The following PPM1E variants were observed in gnomAD, a reference collection of about 807,000 sequenced individuals.
The protein encoded by PPM1E is protein phosphatase, Mg2+/Mn2+ dependent 1E.
A neutral mutation model predicts 65.9 loss-of-function variants in PPM1E; 20 were observed. The observed-to-expected ratio is 0.30, with a 90% CI of 0.21 to 0.44. PPM1E has a LOEUF of 0.44. Among genes scored for constraint, PPM1E ranks in the 20% least tolerant of loss-of-function variants. The pLI is 1.00. For missense variants in PPM1E, 713 were observed against 953.1 expected (o/e 0.75, Z 3.32); for synonymous variants, 352 against 374.9 (o/e 0.94, Z 0.70).
At chr17:58,840,275 A>T (rs1393271527) in intron 1 of PPM1E, among the ~76,000 whole-genome samples, 1 of 152,204 alleles carries the variant, frequency 6.6e-6, no homozygotes, top group Non-Finnish European at 1.5e-5. Context: ...TATAGACATG[A>T]TTGACTACTC....
intron 1 of PPM1E, among the ~76,000 whole-genome samples, chr17:58,919,960 AAGCAGGG>A (rs1158366391): frequency 6.6e-6 from 1 of 152,140 alleles, no homozygotes. Context: ...GGCAGGGTAG[AAGCAGGG>A]AGATCAGTTA....
intron 1 of PPM1E, among the ~76,000 whole-genome samples, chr17:58,778,351 T>G (rs149031313): frequency 0.012 from 1,746 of 150,916 alleles, 17 homozygotes; most frequent in Non-Finnish European, 0.019. Context: ...CCACCTGCCT[T>G]GGCCTCCCAA....
At chr17:58,817,730 G>T (rs779535939) in intron 1 of PPM1E, among the ~76,000 whole-genome samples, 9 of 151,542 alleles carry the variant, frequency 5.9e-5, no homozygotes, top group African/African-American at 1.5e-4. Flanking sequence ...GAAAATGCTT[G>T]CATTTCTCAA....
intron 6 of PPM1E, among the ~76,000 whole-genome samples, chr17:58,977,004 T>A (rs1275737010): frequency 6.6e-6 from 1 of 152,222 alleles, no homozygotes; most frequent in African/African-American, 2.4e-5. Context: ...TATTTATTTT[T>A]AAATATCTTT....
chr17:58,824,352 T>C (rs12602346), intron 1 of PPM1E, among the ~76,000 whole-genome samples: 96,713 of 151,968 alleles, frequency 0.64, 31,163 homozygotes, highest in African/African-American at 0.71. Flanking sequence ...AGATCCTATC[T>C]GAGAAGCTGC....
chr17:58,840,006 A>C (rs1457458855), intron 1 of PPM1E, among the ~76,000 whole-genome samples: 1 of 152,182 alleles, frequency 6.6e-6, no homozygotes, highest in Non-Finnish European at 1.5e-5. Flanking sequence ...TACTCACAGA[A>C]CTCACTGAAA....
intron 1 of PPM1E, among the ~76,000 whole-genome samples, chr17:58,816,103 G>T (rs2050412420): frequency 6.6e-6 from 1 of 151,998 alleles, no homozygotes; most frequent in Admixed American, 6.6e-5. Context: ...TCAGTTCACT[G>T]CAACCTCCGC....
At chr17:58,908,345 C>T (rs1018552868) in intron 1 of PPM1E, among the ~76,000 whole-genome samples, 1 of 152,000 alleles carries the variant, frequency 6.6e-6, no homozygotes, top group Non-Finnish European at 1.5e-5. Context: ...TCCCAAAGTG[C>T]TGGGATTACA....
chr17:58,783,996 C>A (rs908432958), intron 1 of PPM1E, among the ~76,000 whole-genome samples: 1 of 151,620 alleles, frequency 6.6e-6, no homozygotes, highest in Non-Finnish European at 1.5e-5. Context: ...CAGGTGTGAG[C>A]CACCGTGCCC....
chr17:58,813,430 C>T (rs1353189293), intron 1 of PPM1E, among the ~76,000 whole-genome samples: 1 of 152,120 alleles, frequency 6.6e-6, no homozygotes, highest in African/African-American at 2.4e-5. Flanking sequence ...AGATGTCGTG[C>T]TGGATCATTT....
chr17:58,887,158 T>C lies in PPM1E; in HGVS notation c.465-68491T>C, dbSNP rs534267229. On this transcript the variant is annotated intron_variant, in intron 1 of 6. Transcript: ENST00000308249. ...ACCTCATACCTCATAAGTGAGGCCT[T>C]CTTCTTTTTTTTTTTTTTTTTTTTG... Among the ~76,000 whole-genome samples the C allele has an allele frequency of 3.1e-5, 4 of 130,790 alleles. No homozygotes were observed. The East Asian group carries it at 8.3e-4, about 27-fold the overall frequency. 85.8% of individuals were successfully genotyped at this position (130,790 alleles called of 152,430 possible).
intron 1 of PPM1E, among the ~76,000 whole-genome samples, chr17:58,826,407 C>T (rs2050537235): frequency 6.6e-6 from 1 of 151,646 alleles, no homozygotes; most frequent in African/African-American, 2.4e-5. Context: ...TAAATAGCTA[C>T]AGATATCTAC....
rs781198246 is a variant in PPM1E, at chr17:58,980,584, G to A, written c.1821G>A (p.Met607Ile). ...AAGCAAATCTTATTAATGAGTTAAT[G>A]ATGGAGAAAAAATCAGTTCAGTCAT... Reference protein sequence around the residue: ...PKKANLINELMMEKKSVQSSL... With the variant: ...PKKANLINELIMEKKSVQSSL... The change falls in exon 7 of 7, where the codon ATG (methionine) becomes ATA (isoleucine). Residue 607 changes from methionine (M) to isoleucine (I), a missense_variant. Met to Ile is a conservative substitution (Grantham distance 10, BLOSUM62 1). Around this residue, in one of 6 missense-constraint regions of PPM1E, gnomAD observed 286 missense variants for 313.8 expected, o/e 0.91. Transcript: ENST00000308249. This position sits in a 1 kb window ranked among gnomAD's most constrained non-coding sequence, Gnocchi z 4.7. 2 of 1,614,088 alleles carry A rather than the reference G, an allele frequency of 1.2e-6. No homozygotes were observed. The highest frequency in any genetic ancestry group is 1.7e-6 in the Non-Finnish European group (2 of 1,180,032).
At chr17:58,919,076 A>G (rs1183192112) in intron 1 of PPM1E, among the ~76,000 whole-genome samples, 1 of 152,166 alleles carries the variant, frequency 6.6e-6, no homozygotes. Context: ...CCAGAGTTGT[A>G]ATTTTCCCAG....
chr17:58,870,370 C>T (rs1364478910), intron 1 of PPM1E, among the ~76,000 whole-genome samples: 2 of 151,970 alleles, frequency 1.3e-5, no homozygotes, highest in African/African-American at 4.8e-5. Flanking sequence ...TCAGGGGGTA[C>T]CTGTGTATGT....
At chr17:58,865,450 A>G (rs2143319754) in intron 1 of PPM1E, among the ~76,000 whole-genome samples, 1 of 152,320 alleles carries the variant, frequency 6.6e-6, no homozygotes, top group East Asian at 1.9e-4. Context: ...TCATGCCTGT[A>G]ATCCCAGCAC....
At chr17:58,845,888 C>T (rs2050766327) in intron 1 of PPM1E, among the ~76,000 whole-genome samples, 2 of 152,156 alleles carry the variant, frequency 1.3e-5, no homozygotes, top group African/African-American at 4.8e-5. Flanking sequence ...ACCATGTTGG[C>T]CAGCCTGGTC....
intron 1 of PPM1E, among the ~76,000 whole-genome samples, chr17:58,800,548 A>G (rs1298995097): frequency 2.6e-5 from 4 of 152,142 alleles, no homozygotes; most frequent in Non-Finnish European, 5.9e-5. Context: ...CTATCTTGGC[A>G]TGGGTTTTCT....
chr17:58,793,239 C>T (rs887407836), intron 1 of PPM1E, among the ~76,000 whole-genome samples: 1 of 151,986 alleles, frequency 6.6e-6, no homozygotes, highest in Non-Finnish European at 1.5e-5. Context: ...CATGATCTTT[C>T]TGTCTCTACT....
Sources: gnomAD v4.1 joint callset for allele counts (sites outside exome capture counted in the v4.1 genomes callset) on GRCh38, gnomAD v4.1.1 for gene constraint, gnomAD v4.1.1 regional missense constraint, Gnocchi (gnomAD v3.1) non-coding constraint, MANE v1.5 for transcripts, NCBI Gene and HGNC (gene_info 2026-07-23, HGNC 2026-07-21) for gene names.